The following MYO16 variants were observed in gnomAD, a reference collection of about 807,000 sequenced individuals.
The protein encoded by MYO16 is myosin XVI, also known as unconventional myosin-XVI.
MYO16 carries 94 observed loss-of-function variants against 205.3 expected under a neutral mutation model. The ratio of observed to expected loss-of-function variants is 0.46; its 90% CI spans 0.39 to 0.54. The LOEUF is 0.54. Ranked by LOEUF, MYO16 falls within the 20% of genes least tolerant of loss-of-function variation. The pLI, the probability that MYO16 is intolerant of heterozygous loss-of-function variation, is 0.00. For synonymous variants in MYO16, 988 were observed against 954.0 expected (o/e 1.04, Z -0.66); for missense variants, 2,315 against 2,387.5 (o/e 0.97, Z 0.63).
At chr13:109,142,345 G>A (rs1303922549) in intron 32 of MYO16, among the ~76,000 whole-genome samples, 3 of 152,166 alleles carry the variant, frequency 2.0e-5, no homozygotes, top group Non-Finnish European at 2.9e-5. Flanking sequence ...TTCTCCTTAA[G>A]GAAAATTATA....
At chr13:108,974,880 A>G (rs1409366895) in intron 20 of MYO16, among the ~76,000 whole-genome samples, 1 of 152,202 alleles carries the variant, frequency 6.6e-6, no homozygotes, top group Non-Finnish European at 1.5e-5. Flanking sequence ...CTGAAGATGG[A>G]GCTAAGGAGG....
At chr13:109,093,498 C>T (rs1888683476) in intron 27 of MYO16, among the ~76,000 whole-genome samples, 1 of 152,138 alleles carries the variant, frequency 6.6e-6, no homozygotes, top group African/African-American at 2.4e-5. Flanking sequence ...TTCCGAAGCT[C>T]CACCCAAATT....
At chr13:109,056,351 A>G (rs144036254) in intron 27 of MYO16, among the ~76,000 whole-genome samples, 121 of 152,298 alleles carry the variant, frequency 7.9e-4, no homozygotes, top group African/African-American at 2.5e-3. Flanking sequence ...ACCAAAAGCA[A>G]CATCATCCCC....
At chr13:109,007,053 C>G (rs1309531476) in intron 21 of MYO16, among the ~76,000 whole-genome samples, 2 of 152,006 alleles carry the variant, frequency 1.3e-5, no homozygotes, top group African/African-American at 4.8e-5. Flanking sequence ...GGGGATGGGT[C>G]AAGAGAAACA....
At chr13:108,902,894 C>A (rs1436848674) in intron 15 of MYO16, among the ~76,000 whole-genome samples, 1 of 152,184 alleles carries the variant, frequency 6.6e-6, no homozygotes, top group Non-Finnish European at 1.5e-5. Context: ...ATAGAAAATT[C>A]TCAAAACAAA....
chr13:108,933,176 G>C (rs1409479868), intron 16 of MYO16, among the ~76,000 whole-genome samples: 1 of 152,148 alleles, frequency 6.6e-6, no homozygotes, highest in Non-Finnish European at 1.5e-5. Flanking sequence ...ACTGTGTGTG[G>C]CAAGATGCAT....
intron 27 of MYO16, among the ~76,000 whole-genome samples, chr13:109,091,322 A>T (rs1339202059): frequency 6.6e-6 from 1 of 152,196 alleles, no homozygotes; most frequent in Non-Finnish European, 1.5e-5. Flanking sequence ...AATAAATATG[A>T]ATAGAATGTA....
chr13:109,046,067 A>G (rs1887035099), intron 23 of MYO16, among the ~76,000 whole-genome samples: 1 of 151,726 alleles, frequency 6.6e-6, no homozygotes, highest in African/African-American at 2.4e-5. Context: ...GCCCTCCCTC[A>G]TGGCTGATGC....
chr13:108,726,831 A>T (rs1176109340), intron 3 of MYO16, among the ~76,000 whole-genome samples: 1 of 152,104 alleles, frequency 6.6e-6, no homozygotes, highest in Non-Finnish European at 1.5e-5. Flanking sequence ...TTAGTAAATT[A>T]TTGAACATAT....
intron 1 of MYO16, among the ~76,000 whole-genome samples, chr13:108,607,241 G>A (rs539951954): frequency 2.0e-5 from 3 of 152,298 alleles, no homozygotes; most frequent in African/African-American, 4.8e-5. Flanking sequence ...GCATAACTGT[G>A]TTTTGAAACG....
intron 16 of MYO16, among the ~76,000 whole-genome samples, chr13:108,917,035 AAACTCGAATGTGAGATGCAG>A (rs1339397129): frequency 9.9e-4 from 1 of 1,008 alleles, no homozygotes; most frequent in Non-Finnish European, 2.0e-3. Context: ...TGAGATGCAG[AAACTCGAATGTGAGATGCAG>A]AAACTCAAAT....
chr13:109,200,535 A>AG (rs1475226011), intron 34 of MYO16, among the ~76,000 whole-genome samples: 1 of 152,186 alleles, frequency 6.6e-6, no homozygotes, highest in Non-Finnish European at 1.5e-5. Flanking sequence ...TCATTAAGAA[A>AG]GGGCTTTCAA....
At chr13:108,822,153 T>A (rs919458769) in intron 8 of MYO16, among the ~76,000 whole-genome samples, 1 of 152,192 alleles carries the variant, frequency 6.6e-6, no homozygotes, top group African/African-American at 2.4e-5. Context: ...TTATTTTATG[T>A]TTCTTGAATT....
intron 4 of MYO16, among the ~76,000 whole-genome samples, chr13:108,761,447 A>AG (rs1594273367): frequency 7.1e-6 from 1 of 140,914 alleles, no homozygotes; most frequent in Non-Finnish European, 1.6e-5. Flanking sequence ...AGTGAAGCCG[A>AG]GGGGGGAGAA....
chr13:108,611,595 TAG>T (rs1041363733), intron 1 of MYO16, among the ~76,000 whole-genome samples: 2 of 152,170 alleles, frequency 1.3e-5, no homozygotes, highest in African/African-American at 4.8e-5. Context: ...TGTCCATAAA[TAG>T]AGTTAGTAAT....
intron 1 of MYO16, among the ~76,000 whole-genome samples, chr13:108,662,631 C>A (rs1486992049): frequency 3.3e-5 from 5 of 152,154 alleles, no homozygotes; most frequent in Non-Finnish European, 7.3e-5. Context: ...CCCCACAAAC[C>A]AACAGCCCTG....
chr13:108,739,157 T>C (rs531785743), intron 4 of MYO16, among the ~76,000 whole-genome samples: 219 of 152,302 alleles, frequency 1.4e-3, no homozygotes, highest in Non-Finnish European at 1.4e-3. Flanking sequence ...TATTGTTATG[T>C]GTGAATTTGA....
At chr13:108,516,538 G>C in the MYO16 span, among the ~76,000 whole-genome samples, 1 of 152,296 alleles carries the variant, frequency 6.6e-6, no homozygotes, top group Admixed American at 6.5e-5. Context: ...TTAGTCTTTT[G>C]ATTGAGAACT....
intron 28 of MYO16, among the ~76,000 whole-genome samples, chr13:109,105,961 C>T (rs1411719841): frequency 2.0e-5 from 3 of 152,140 alleles, no homozygotes; most frequent in African/African-American, 4.8e-5. Context: ...GAATCTTTCA[C>T]GTTGGTGGCT....
Sources: allele counts gnomAD v4.1 joint callset (sites outside exome capture counted in the v4.1 genomes callset), GRCh38; gene constraint gnomAD v4.1.1; transcripts MANE v1.5; gene names NCBI Gene and HGNC (gene_info 2026-07-23, HGNC 2026-07-21).